The following TPPP3 variants were observed in gnomAD, a reference collection of about 807,000 sequenced individuals.
The protein encoded by TPPP3 is tubulin polymerization promoting protein family member 3, also known as tubulin polymerization-promoting protein family member 3.
Under a neutral mutation model 13.1 loss-of-function variants are expected in TPPP3, and 7 were observed. The ratio of observed to expected loss-of-function variants is 0.54; its 90% CI spans 0.30 to 1.01. The LOEUF is 1.01. TPPP3 is among the 50% of genes least tolerant of loss of function. TPPP3 has a pLI of 0.06. For synonymous variants in TPPP3, 87 were observed against 93.7 expected, an observed-to-expected ratio of 0.93 and a Z score of 0.41; for missense variants, 185 against 235.0, an observed-to-expected ratio of 0.79 and a Z score of 1.39.
Position 67,391,914 on chromosome 16 carries a change from C to T in TPPP3, c.-6-797G>A, listed in dbSNP as rs1000503652. The T allele has an allele frequency of 1.3e-5, 2 of 152,544 alleles. No homozygotes were observed. Among genetic ancestry groups the T allele is most frequent in the African/African-American group, 2.4e-5 (1 of 41,398 alleles). The allele number at this position is 152,544 out of a possible 1,614,324, so 9.4% of individuals were successfully genotyped here. The stretch of plus-strand genomic sequence containing the variant: ...TGCGCCTAGGGCATAACCGTGGCTT[C>T]CTGGCCCCTTGCCACCGACTGGTGC... On this transcript the variant is annotated intron_variant, in intron 1 of 3. Transcript: ENST00000393957. This position sits in a 1 kb window ranked among gnomAD's most constrained non-coding sequence, Gnocchi z 6.3.
Position 67,391,162 on chromosome 16 carries a change from C to G in TPPP3, c.-6-45G>C, listed in dbSNP as rs778171301. The stretch of plus-strand genomic sequence containing the variant: ...TCATCTCCCAGCCAATCTGCCCTTC[C>G]CCTCCCCCAAGCCCAGAACATCCCA... On this transcript the variant is annotated intron_variant, in intron 1 of 3. Transcript: ENST00000393957. The surrounding 1 kb of genome is among the most constrained non-coding windows in gnomAD (Gnocchi z 6.3). 6.3e-7 allele frequency: 1 copy of G among 1,587,444 alleles called. No homozygotes were observed. The highest frequency in any genetic ancestry group is 1.3e-5 in the African/African-American group (1 of 74,678).
In TPPP3 at chr16:67,391,256, A is replaced by G; in HGVS notation, c.-6-139T>C. 1.1e-6 allele frequency: 1 copy of G among 880,020 alleles called. No individual in the cohort carries two copies. The highest frequency in any genetic ancestry group is 1.7e-6 in the Non-Finnish European group (1 of 586,614). 54.5% of individuals were successfully genotyped at this position (880,020 alleles called of 1,614,324 possible). A position where few individuals can be genotyped will look rare whatever the true frequency, so the allele number is the denominator to read the frequency against. On this transcript the variant is annotated intron_variant, in intron 1 of 3. Transcript: ENST00000393957. This position sits in a 1 kb window ranked among gnomAD's most constrained non-coding sequence, Gnocchi z 6.3. ...GAGTTGGTGCTGGAGCTGCCTGGGG[A>G]GAGGGGCCCGTCACTGTCGCCCTGG... is the stretch of plus-strand genomic sequence containing the variant.
rs1231298967 is a variant in TPPP3 at position 67,390,057 on chromosome 16, C to T, written c.*117G>A. The T allele has an allele frequency of 1.7e-6, 2 of 1,167,400 alleles. No homozygotes were observed. The highest frequency in any genetic ancestry group is 3.1e-5 in the African/African-American group (2 of 65,034). The allele number at this position is 1,167,400 out of a possible 1,614,324, so 72.3% of individuals were successfully genotyped here. A position where few individuals can be genotyped will look rare whatever the true frequency, so the allele number is the denominator to read the frequency against. Reference sequence around the variant, plus strand: ...GCCCAGTGGGACTAGGCAGGAAGCTCTGGGTGGCAGGTCCAGCAGGGAGGG... The same window carrying T: ...GCCCAGTGGGACTAGGCAGGAAGCTTTGGGTGGCAGGTCCAGCAGGGAGGG... On this transcript the variant is annotated 3_prime_UTR_variant, in exon 4 of 4. Coordinates refer to ENST00000393957, the MANE Select transcript of TPPP3 (RefSeq NM_015964.4). This position sits in a 1 kb window ranked among gnomAD's most constrained non-coding sequence, Gnocchi z 6.4.
At position 67,390,662 on chromosome 16, in the gene TPPP3, C is replaced by T; in HGVS notation, c.189-30G>A. 6.3e-7 allele frequency: 1 copy of T among 1,583,778 alleles called. No individual in the cohort carries two copies. Among genetic ancestry groups the T allele is most frequent in the Non-Finnish European group, 8.6e-7 (1 of 1,168,300 alleles). ...CAGGCATGTGGGCACCATGAGGGTT[C>T]CCCTTTCTTTTTTCTCCCCCAGGGG... On this transcript the variant is annotated intron_variant, in intron 2 of 3. Transcript: ENST00000393957. This position sits in a 1 kb window ranked among gnomAD's most constrained non-coding sequence, Gnocchi z 6.4.
Position 67,392,308 on chromosome 16 carries a change from G to GC in TPPP3, c.-7+1071dup, listed in dbSNP as rs2040337674. Among the ~76,000 whole-genome samples, 1 of 150,740 alleles carries GC rather than the reference G, an allele frequency of 6.6e-6. No homozygotes were observed. The highest frequency in any genetic ancestry group is 1.5e-5 in the Non-Finnish European group (1 of 67,660). On this transcript the variant is annotated intron_variant, in intron 1 of 3. Transcript: ENST00000393957. The surrounding 1 kb of genome is among the most constrained non-coding windows in gnomAD (Gnocchi z 4.9). ...AATACCCACAGTCCAGCACTAAAGT[G>GC]CCCCCCACACCCACAGCCCTCCGCT...
Position 67,390,548 on chromosome 16 carries a change from G to A in TPPP3, c.273C>T (p.Ser91=). 1 of 1,613,944 alleles carries A rather than the reference G, an allele frequency of 6.2e-7. No individual in the cohort carries two copies. Among genetic ancestry groups the A allele is most frequent in the Non-Finnish European group, 8.5e-7 (1 of 1,180,010 alleles). The change falls in exon 3 of 4, where the codon AGC becomes AGT. Residue 91 remains serine, a synonymous_variant. Coordinates refer to ENST00000393957, the MANE Select transcript of TPPP3 (RefSeq NM_015964.4). The surrounding 1 kb of genome is among the most constrained non-coding windows in gnomAD (Gnocchi z 6.4). ...AGATGGCATCGAAGGCCTCCTCCTT[G>A]CTCTTCCCCTTGAATCTCTTGGTCG... is the stretch of plus-strand genomic sequence containing the variant. The part of the protein sequence containing the change: ...ELATKRFKGK[S]KEEAFDAICQ...
chr16:67,391,075 T>A lies in TPPP3; in HGVS notation c.37A>T (p.Ser13Cys), dbSNP rs2040322432. The A allele has an allele frequency of 8.1e-6, 13 of 1,614,070 alleles. No homozygotes were observed. Among genetic ancestry groups the A allele is most frequent in the Non-Finnish European group, 1.1e-5 (13 of 1,180,018 alleles). ...CCATGGATGGCAAACTTGCGGAAGCTCTCCTCCAGCCCAGCCATGTCTGTG... is the reference window on the plus strand; with the variant it reads ...CCATGGATGGCAAACTTGCGGAAGCACTCCTCCAGCCCAGCCATGTCTGTG... ...ASTDMAGLEE[S>C]FRKFAIHGDP... Residue 13 changes from serine (S) to cysteine (C), a missense_variant, in exon 2 of 4, where the codon AGC (serine) becomes TGC (cysteine). Coordinates refer to ENST00000393957, the MANE Select transcript of TPPP3 (RefSeq NM_015964.4). This position sits in a 1 kb window ranked among gnomAD's most constrained non-coding sequence, Gnocchi z 6.3.
Position 67,389,848 on chromosome 16 carries a change from T to G in TPPP3, c.*326A>C, listed in dbSNP as rs1320918605. The G allele has an allele frequency of 3.0e-6, 1 of 335,922 alleles. No individual in the cohort carries two copies. The highest frequency in any genetic ancestry group is 5.5e-6 in the Non-Finnish European group (1 of 181,022). 20.8% of individuals were successfully genotyped at this position (335,922 alleles called of 1,614,324 possible). ...GTCTTTATTGAGGTCTGGGTTAAAA[T>G]TAGGCACTTGGCCAGAGCAGCAGCT... On this transcript the variant is annotated 3_prime_UTR_variant, in exon 4 of 4. Coordinates refer to ENST00000393957, the MANE Select transcript of TPPP3 (RefSeq NM_015964.4).
At position 67,391,105 on chromosome 16, in the gene TPPP3, C is replaced by G. The variant is rs1403088883; in HGVS notation, c.7G>C (p.Ala3Pro). 6.2e-7 allele frequency: 1 copy of G among 1,613,938 alleles called. No individual in the cohort carries two copies. Among genetic ancestry groups the G allele is most frequent in the Non-Finnish European group, 8.5e-7 (1 of 1,179,966 alleles). Residue 3 changes from alanine to proline, a missense_variant, in exon 2 of 4, where the codon GCG becomes CCG. Coordinates refer to ENST00000393957, the MANE Select transcript of TPPP3 (RefSeq NM_015964.4). The surrounding 1 kb of genome is among the most constrained non-coding windows in gnomAD (Gnocchi z 6.3). MAASTDMAGLEES... is the reference protein window; with the variant it reads MAPSTDMAGLEES... ...TCCAGCCCAGCCATGTCTGTGCTCG[C>G]TGCCATGCCACCCTATAGAGACCCA...
Position 67,392,584 on chromosome 16 carries a change from TCC to T in TPPP3, c.-7+794_-7+795del, listed in dbSNP as rs1308824047. Among the ~76,000 whole-genome samples, 2 of 151,864 alleles carry T rather than the reference TCC, an allele frequency of 1.3e-5. No individual in the cohort carries two copies. The highest frequency in any genetic ancestry group is 2.9e-5 in the Non-Finnish European group (2 of 67,972). On this transcript the variant is annotated intron_variant, in intron 1 of 3. Coordinates refer to ENST00000393957, the MANE Select transcript of TPPP3 (RefSeq NM_015964.4). This position sits in a 1 kb window ranked among gnomAD's most constrained non-coding sequence, Gnocchi z 4.9. The stretch of plus-strand genomic sequence containing the variant: ...CCTGCACTGAAGGCCCCAGTCCACA[TCC>T]ACACACTAACATTATAAGACTCCCA...
At position 67,393,264 on chromosome 16, in the gene TPPP3, G is replaced by A; in HGVS notation, c.-7+116C>T. The stretch of plus-strand genomic sequence containing the variant: ...GGGCCAGGGCAGGGCCGCTCAGCTG[G>A]CTCCTCGGCTGGGACCGCCGGAGGT... On this transcript the variant is annotated intron_variant, in intron 1 of 3. Transcript: ENST00000393957. This position sits in a 1 kb window ranked among gnomAD's most constrained non-coding sequence, Gnocchi z 5.4. The A allele has an allele frequency of 1.1e-6, 1 of 924,448 alleles. No homozygotes were observed. The highest frequency in any genetic ancestry group is 1.3e-6 in the Non-Finnish European group (1 of 774,384). 57.3% of individuals were successfully genotyped at this position (924,448 alleles called of 1,614,324 possible). A position where few individuals can be genotyped will look rare whatever the true frequency, so the allele number is the denominator to read the frequency against.
chr16:67,393,331 A>C lies in TPPP3; in HGVS notation c.-7+49T>G. 1.0e-6 allele frequency: 1 copy of C among 985,534 alleles called. No individual in the cohort carries two copies. The highest frequency in any genetic ancestry group is 1.2e-6 in the Non-Finnish European group (1 of 829,980). 61.0% of individuals were successfully genotyped at this position (985,534 alleles called of 1,614,324 possible). A position where few individuals can be genotyped will look rare whatever the true frequency, so the allele number is the denominator to read the frequency against. Reference sequence around the variant, plus strand: ...CTGCTCCCCCCAACCCTCATCGTGCAGGATACTGATTGGGGTGGCGGGCAT... The same window carrying C: ...CTGCTCCCCCCAACCCTCATCGTGCCGGATACTGATTGGGGTGGCGGGCAT... On this transcript the variant is annotated intron_variant, in intron 1 of 3. Coordinates refer to ENST00000393957, the MANE Select transcript of TPPP3 (RefSeq NM_015964.4). This position sits in a 1 kb window ranked among gnomAD's most constrained non-coding sequence, Gnocchi z 5.4.
Position 67,390,319 on chromosome 16 carries a change from C to A in TPPP3, c.386G>T (p.Ser129Ile). Residue 129 changes from serine to isoleucine, a missense_variant, in exon 4 of 4, where the codon AGC becomes ATC. Transcript: ENST00000393957. This position sits in a 1 kb window ranked among gnomAD's most constrained non-coding sequence, Gnocchi z 6.4. ...CTCCTTGTGGGAGCCCGTGTATCTG[C>A]TGGTGTCCGTCAGCCGGTCTACAGC... is the stretch of plus-strand genomic sequence containing the variant. ...GGAVDRLTDT[S>I]RYTGSHKERF... is the part of the protein sequence containing the mutation. 2.5e-6 allele frequency: 4 copies of A among 1,614,128 alleles called. No individual in the cohort carries two copies. The highest frequency in any genetic ancestry group is 3.4e-6 in the Non-Finnish European group (4 of 1,180,004).
At position 67,390,047 on chromosome 16, in the gene TPPP3, G is replaced by A; in HGVS notation, c.*127C>T. The A allele has an allele frequency of 9.5e-7, 1 of 1,054,834 alleles. No homozygotes were observed. Among genetic ancestry groups the A allele is most frequent in the Non-Finnish European group, 1.4e-6 (1 of 739,128 alleles). 65.3% of individuals were successfully genotyped at this position (1,054,834 alleles called of 1,614,324 possible). ...TGGTGGGCCAGCCCAGTGGGACTAGGCAGGAAGCTCTGGGTGGCAGGTCCA... is the reference window on the plus strand; with the variant it reads ...TGGTGGGCCAGCCCAGTGGGACTAGACAGGAAGCTCTGGGTGGCAGGTCCA... On this transcript the variant is annotated 3_prime_UTR_variant, in exon 4 of 4. Coordinates refer to ENST00000393957, the MANE Select transcript of TPPP3 (RefSeq NM_015964.4). This position sits in a 1 kb window ranked among gnomAD's most constrained non-coding sequence, Gnocchi z 6.4.
In TPPP3 at chr16:67,390,669, CT is replaced by C. The variant is rs1164816870; in HGVS notation, c.189-38del. 5 of 1,578,714 alleles carry C rather than the reference CT, an allele frequency of 3.2e-6. No homozygotes were observed. In the African/African-American group the frequency reaches 5.5e-5, roughly 17 times the overall value. On this transcript the variant is annotated intron_variant, in intron 2 of 3. Transcript: ENST00000393957. This position sits in a 1 kb window ranked among gnomAD's most constrained non-coding sequence, Gnocchi z 6.4. ...GTGGGCACCATGAGGGTTCCCCTTT[CT>C]TTTTTCTCCCCCAGGGGAAAGCTCA...
Position 67,392,638 on chromosome 16 carries a change from G to C in TPPP3, c.-7+742C>G, listed in dbSNP as rs1414052539. ...GTACTATGCGGAGATCCCCTGCGTA[G>C]AGACCTCCCCACCACATCCCCCTCC... On this transcript the variant is annotated intron_variant, in intron 1 of 3. Transcript: ENST00000393957. The surrounding 1 kb of genome is among the most constrained non-coding windows in gnomAD (Gnocchi z 4.9). Among the ~76,000 whole-genome samples, 1 of 152,004 alleles carries C rather than the reference G, an allele frequency of 6.6e-6. No individual in the cohort carries two copies. The highest frequency in any genetic ancestry group is 2.4e-5 in the African/African-American group (1 of 41,372).
Position 67,391,262 on chromosome 16 carries a change from GC to G in TPPP3, c.-6-146del. The G allele has an allele frequency of 2.5e-6, 2 of 813,606 alleles. No individual in the cohort carries two copies. The highest frequency in any genetic ancestry group is 3.8e-6 in the Non-Finnish European group (2 of 528,316). The allele number at this position is 813,606 out of a possible 1,614,324, so 50.4% of individuals were successfully genotyped here. A position where few individuals can be genotyped will look rare whatever the true frequency, so the allele number is the denominator to read the frequency against. Reference sequence around the variant, plus strand: ...GTGCTGGAGCTGCCTGGGGAGAGGGGCCCGTCACTGTCGCCCTGGGCCACAG... The same window carrying G: ...GTGCTGGAGCTGCCTGGGGAGAGGGGCCGTCACTGTCGCCCTGGGCCACAG... On this transcript the variant is annotated intron_variant, in intron 1 of 3. Transcript: ENST00000393957. This position sits in a 1 kb window ranked among gnomAD's most constrained non-coding sequence, Gnocchi z 6.3.
Position 67,390,782 on chromosome 16 carries a change from A to G in TPPP3, c.188+142T>C. 3 of 1,403,616 alleles carry G rather than the reference A, an allele frequency of 2.1e-6. No homozygotes were observed. Among genetic ancestry groups the G allele is most frequent in the South Asian group, 1.4e-5 (1 of 71,208 alleles). 86.9% of individuals were successfully genotyped at this position (1,403,616 alleles called of 1,614,324 possible). On this transcript the variant is annotated intron_variant, in intron 2 of 3. Transcript: ENST00000393957. This position sits in a 1 kb window ranked among gnomAD's most constrained non-coding sequence, Gnocchi z 6.4. ...GCAGGGGTCAGCAACTCTGGAGGGC[A>G]ATAGATATAAGGTTTGCCCTGGAAG... is the stretch of plus-strand genomic sequence containing the variant.
chr16:67,393,377 T>C lies in TPPP3; in HGVS notation c.-7+3A>G, dbSNP rs1238860232. 3.0e-6 allele frequency: 3 copies of C among 985,506 alleles called. No individual in the cohort carries two copies. Among genetic ancestry groups the C allele is most frequent in the Non-Finnish European group, 3.6e-6 (3 of 830,074 alleles). 61.0% of individuals were successfully genotyped at this position (985,506 alleles called of 1,614,324 possible). A position where few individuals can be genotyped will look rare whatever the true frequency, so the allele number is the denominator to read the frequency against. On this transcript the variant is annotated splice_donor_region_variant and intron_variant, in intron 1 of 3. Coordinates refer to ENST00000393957, the MANE Select transcript of TPPP3 (RefSeq NM_015964.4). This position sits in a 1 kb window ranked among gnomAD's most constrained non-coding sequence, Gnocchi z 5.4. ...GGCATCTGGGTCTCCTATGGGCTTCTACCTCGCGGCTGCTCCTGAAGTGTG... is the reference window on the plus strand; with the variant it reads ...GGCATCTGGGTCTCCTATGGGCTTCCACCTCGCGGCTGCTCCTGAAGTGTG...
Sources: gnomAD v4.1 joint callset for allele counts (sites outside exome capture counted in the v4.1 genomes callset) on GRCh38, gnomAD v4.1.1 for gene constraint, Gnocchi (gnomAD v3.1) non-coding constraint, MANE v1.5 for transcripts, NCBI Gene and HGNC (gene_info 2026-07-23, HGNC 2026-07-21) for gene names.